CORO2B: variants seen among roughly 807,000 people sequenced by gnomAD.
CORO2B encodes coronin 2B.
Under a neutral mutation model 58.8 loss-of-function variants are expected in CORO2B, and 26 were observed. That is an observed-to-expected ratio of 0.44 (90% confidence interval 0.32 to 0.61). The LOEUF (loss-of-function observed/expected upper bound fraction) is 0.61. Among genes scored for constraint, CORO2B ranks in the 20% least tolerant of loss-of-function variants. The pLI is 0.04. For missense variants in CORO2B, 460 were observed against 645.1 expected (o/e 0.71, Z 3.11); for synonymous variants, 242 against 253.8 (o/e 0.95, Z 0.44).
intron 2 of CORO2B, among the ~76,000 whole-genome samples, chr15:68,659,257 C>G (rs951364207): frequency 2.0e-5 from 3 of 152,140 alleles, no homozygotes; most frequent in Non-Finnish European, 4.4e-5. Context: ...GGGCGCTGAC[C>G]CCTGCACCAT....
intron 1 of CORO2B, among the ~76,000 whole-genome samples, chr15:68,595,703 T>C (rs570911899): frequency 6.6e-6 from 1 of 152,352 alleles, no homozygotes; most frequent in South Asian, 2.1e-4. Flanking sequence ...ATTAAGCACC[T>C]GCTCCATGCC....
the CORO2B span, among the ~76,000 whole-genome samples, chr15:68,525,436 T>G: frequency 6.6e-6 from 1 of 152,226 alleles, no homozygotes; most frequent in Non-Finnish European, 1.5e-5. Context: ...TTTCCCCTTA[T>G]TCTGGGTCAT....
At chr15:68,534,089 A>G in the CORO2B span, among the ~76,000 whole-genome samples, 1 of 152,238 alleles carries the variant, frequency 6.6e-6, no homozygotes, top group African/African-American at 2.4e-5. Context: ...AACCTGCATA[A>G]TGGTGGATCC....
At chr15:68,560,197 C>T in the CORO2B span, among the ~76,000 whole-genome samples, 1 of 152,216 alleles carries the variant, frequency 6.6e-6, no homozygotes, top group Non-Finnish European at 1.5e-5. Context: ...GCTAACTGTG[C>T]TCCCTACAGC....
At chr15:68,709,544 G>T (rs963623526) in intron 3 of CORO2B, among the ~76,000 whole-genome samples, 1 of 146,582 alleles carries the variant, frequency 6.8e-6, no homozygotes, top group African/African-American at 2.5e-5. Context: ...TGTAACCTCC[G>T]CGCCTGGCCT....
chr15:68,604,982 C>T (rs567326482), intron 1 of CORO2B, among the ~76,000 whole-genome samples: 24 of 152,226 alleles, frequency 1.6e-4, no homozygotes, highest in African/African-American at 4.8e-4. Context: ...GGCATGGTGG[C>T]ACACACCTGT....
chr15:68,579,297 C>G lies in CORO2B; in HGVS notation c.15+20C>G, dbSNP rs1899357519. On this transcript the variant is annotated intron_variant, in intron 1 of 11. Transcript: ENST00000261861. The stretch of plus-strand genomic sequence containing the variant: ...ACAAAGGTAAGCGCCGCTCGCCCGC[C>G]GCGCCCGGGACCCGCCGGCGCCTGC... 8 of 1,288,252 alleles carry G rather than the reference C, an allele frequency of 6.2e-6. No homozygotes were observed. Among genetic ancestry groups the G allele is most frequent in the Non-Finnish European group, 7.9e-6 (8 of 1,013,700 alleles). The allele number at this position is 1,288,252 out of a possible 1,614,324, so 79.8% of individuals were successfully genotyped here.
chr15:68,609,069 G>C (rs969219237), intron 1 of CORO2B, among the ~76,000 whole-genome samples: 4 of 152,180 alleles, frequency 2.6e-5, no homozygotes, highest in African/African-American at 9.7e-5. Flanking sequence ...AGGGCCCCCG[G>C]GTGCCTGCAC....
the CORO2B span, among the ~76,000 whole-genome samples, chr15:68,552,044 C>A: frequency 1.3e-5 from 2 of 152,072 alleles, no homozygotes; most frequent in African/African-American, 4.8e-5. Context: ...CCAGAAGGGG[C>A]TTTGGTCATC....
Position 68,627,186 on chromosome 15 carries a change from C to T in CORO2B, c.16-17974C>T, listed in dbSNP as rs78581724. Among the ~76,000 whole-genome samples the T allele has an allele frequency of 4.0e-3, 610 of 152,216 alleles. 4 individuals carry two copies. Among genetic ancestry groups the T allele is most frequent in the Non-Finnish European group, 6.9e-3 (466 of 67,998 alleles). On this transcript the variant is annotated intron_variant, in intron 1 of 11. Coordinates refer to ENST00000261861, the MANE Select transcript of CORO2B (RefSeq NM_006091.5). Reference sequence around the variant, plus strand: ...TATTACTTATAAAATTTCATTTTTACTTGTTTATTTGTTTTACTTTATGTC... The same window carrying T: ...TATTACTTATAAAATTTCATTTTTATTTGTTTATTTGTTTTACTTTATGTC...
intron 8 of CORO2B, among the ~76,000 whole-genome samples, chr15:68,715,554 C>G (rs1893013072): frequency 6.6e-6 from 1 of 152,254 alleles, no homozygotes; most frequent in Non-Finnish European, 1.5e-5. Flanking sequence ...TGCTCTGCGT[C>G]TGCACTCCTG....
At chr15:68,518,945 A>G in the CORO2B span, among the ~76,000 whole-genome samples, 2 of 152,120 alleles carry the variant, frequency 1.3e-5, no homozygotes, top group Admixed American at 6.6e-5. Context: ...TCTGCTCTCT[A>G]GACAGTGATT....
At chr15:68,636,030 C>A (rs1309427700) in intron 1 of CORO2B, among the ~76,000 whole-genome samples, 5 of 152,186 alleles carry the variant, frequency 3.3e-5, no homozygotes, top group African/African-American at 1.2e-4. Context: ...GAATCAGATC[C>A]CAGCTCCTCC....
At chr15:68,583,080 C>G (rs555879643) in intron 1 of CORO2B, among the ~76,000 whole-genome samples, 50 of 152,286 alleles carry the variant, frequency 3.3e-4, no homozygotes, top group Non-Finnish European at 6.2e-4. Context: ...TGTGCCCTGG[C>G]CCCTCTTTCT....
intron 1 of CORO2B, among the ~76,000 whole-genome samples, chr15:68,622,640 C>T (rs1323990236): frequency 6.6e-6 from 1 of 152,144 alleles, no homozygotes; most frequent in Non-Finnish European, 1.5e-5. Context: ...CTATGGAGCA[C>T]CTTCAGAGTC....
intron 3 of CORO2B, among the ~76,000 whole-genome samples, chr15:68,695,984 C>T (rs1405243192): frequency 6.6e-6 from 1 of 151,952 alleles, no homozygotes; most frequent in East Asian, 1.9e-4. Context: ...CGCCTGTAAT[C>T]CCAGTGCTTT....
the CORO2B span, among the ~76,000 whole-genome samples, chr15:68,570,789 A>ACTACACGT: frequency 1.4e-5 from 2 of 141,062 alleles, no homozygotes; most frequent in African/African-American, 5.4e-5. Flanking sequence ...ACCCAGGCCC[A>ACTACACGT]CTACACGTAG....
intron 2 of CORO2B, among the ~76,000 whole-genome samples, chr15:68,650,846 C>A (rs533482577): frequency 6.6e-6 from 1 of 152,102 alleles, no homozygotes; most frequent in East Asian, 1.9e-4. Context: ...GCCCTACAGG[C>A]CAGAGAGGGG....
intron 1 of CORO2B, among the ~76,000 whole-genome samples, chr15:68,612,908 T>C (rs1309469064): frequency 6.6e-6 from 1 of 152,172 alleles, no homozygotes; most frequent in Admixed American, 6.5e-5. Context: ...TCATTTTTCC[T>C]TAGGGCCTGG....
Sources: gnomAD v4.1 joint callset for allele counts (sites outside exome capture counted in the v4.1 genomes callset) on GRCh38, gnomAD v4.1.1 for gene constraint, MANE v1.5 for transcripts, NCBI Gene and HGNC (gene_info 2026-07-23, HGNC 2026-07-21) for gene names.